The following ADAM2 variants were observed in gnomAD, a reference collection of about 807,000 sequenced individuals.
ADAM2 encodes disintegrin and metalloproteinase domain-containing protein 2.
ADAM2 carries 101 observed loss-of-function variants against 99.3 expected under a neutral mutation model. The observed-to-expected ratio is 1.02, with a 90% CI of 0.87 to 1.20. The LOEUF (loss-of-function observed/expected upper bound fraction) is 1.20. Among genes scored for constraint, ADAM2 ranks in the 50% most tolerant of loss-of-function variants. The pLI is 0.00. For synonymous variants in ADAM2, 323 were observed against 287.6 expected (o/e 1.12, Z -1.25); for missense variants, 948 against 878.7 (o/e 1.08, Z -1.00).
At chr8:39,746,107 C>T (rs1823436328) in intron 19 of ADAM2, among the ~76,000 whole-genome samples, 1 of 152,050 alleles carries the variant, frequency 6.6e-6, no homozygotes, top group Admixed American at 6.6e-5. Context: ...CTCACTGCAG[C>T]CTCTGCCTCC....
At chr8:39,759,671 A>G (rs1802277341) in intron 15 of ADAM2, among the ~76,000 whole-genome samples, 1 of 152,208 alleles carries the variant, frequency 6.6e-6, no homozygotes, top group Non-Finnish European at 1.5e-5. Context: ...AAGAGTTGGA[A>G]CAACAGAAGG....
intron 7 of ADAM2, among the ~76,000 whole-genome samples, chr8:39,800,923 T>C (rs1209091316): frequency 6.6e-6 from 1 of 152,210 alleles, no homozygotes; most frequent in Admixed American, 6.5e-5. Flanking sequence ...TAGCAATTCC[T>C]CTGACCTTTT....
chr8:39,744,709 G>T, intron 20 of ADAM2, 121 bp downstream of exon 20: 1 of 575,360 alleles, frequency 1.7e-6, no homozygotes, highest in Non-Finnish European at 3.0e-6. Flanking sequence ...CTAGATGACG[G>T]GTTGATAGGT....
At chr8:39,764,882 G>C (rs1366144512) in intron 14 of ADAM2, among the ~76,000 whole-genome samples, 1 of 151,978 alleles carries the variant, frequency 6.6e-6, no homozygotes, top group South Asian at 2.1e-4. Context: ...GGGTGTGGTG[G>C]TGTGTGCATC....
intron 18 of ADAM2, among the ~76,000 whole-genome samples, chr8:39,747,554 A>G (rs1257271468): frequency 6.6e-6 from 1 of 152,184 alleles, no homozygotes; most frequent in Non-Finnish European, 1.5e-5. Flanking sequence ...TTTACAGTCA[A>G]AGGCCTTGCT....
intron 6 of ADAM2, among the ~76,000 whole-genome samples, chr8:39,816,438 A>G (rs1013668999): frequency 1.3e-5 from 2 of 152,234 alleles, no homozygotes; most frequent in Non-Finnish European, 2.9e-5. Flanking sequence ...TCTGCGTATG[A>G]CCTAGCAGTT....
At chr8:39,817,991 T>G (rs960603638) in intron 6 of ADAM2, 19 of 152,006 alleles carry the variant, frequency 1.2e-4, no homozygotes, top group Admixed American at 2.0e-4. Context: ...CAATCCCAGA[T>G]GGATTTTACA....
At chr8:39,775,495 A>G (rs1802951540) in intron 11 of ADAM2, among the ~76,000 whole-genome samples, 1 of 152,126 alleles carries the variant, frequency 6.6e-6, no homozygotes, top group African/African-American at 2.4e-5. Context: ...AAAACCCGAT[A>G]TATTGTTTAC....
chr8:39,755,876 A>T lies in ADAM2; in HGVS notation c.1649T>A (p.Val550Glu), dbSNP rs1802129547. 1 of 1,568,498 alleles carries T rather than the reference A, an allele frequency of 6.4e-7. No individual in the cohort carries two copies. The highest frequency in any genetic ancestry group is 8.8e-7 in the Non-Finnish European group (1 of 1,142,784). ...LQCGKLICKYVGKFLLQIPRA... is the reference protein window; with the variant it reads ...LQCGKLICKYEGKFLLQIPRA... Reference sequence around the variant, plus strand: ...TGGAATTTGTAATAAAAATTTACCTACATATTTACATATTAATTTTCCGCA... The same window carrying T: ...TGGAATTTGTAATAAAAATTTACCTTCATATTTACATATTAATTTTCCGCA... Residue 550 changes from valine to glutamate, a missense_variant, in exon 16 of 21, where the codon GTA (valine) becomes GAA (glutamate). Val to Glu is a moderately radical substitution (Grantham distance 121). Transcript: ENST00000265708.
intron 6 of ADAM2, among the ~76,000 whole-genome samples, chr8:39,818,407 C>A (rs947689898): frequency 1.3e-5 from 2 of 151,920 alleles, no homozygotes; most frequent in Admixed American, 6.6e-5. Flanking sequence ...CATTAACAAA[C>A]TAACACTGGA....
chr8:39,825,177 C>T (rs189225642), intron 3 of ADAM2, among the ~76,000 whole-genome samples: 4 of 152,274 alleles, frequency 2.6e-5, no homozygotes, highest in African/African-American at 9.6e-5. Flanking sequence ...GAAAGTTCTT[C>T]AACATAGTTC....
At chr8:39,821,282 C>T (rs895955141) in intron 5 of ADAM2, 112 bp from the exon 6 acceptor site, 1 of 780,956 alleles carries the variant, frequency 1.3e-6, no homozygotes, top group African/African-American at 1.8e-5. Context: ...TAGCCTGAAT[C>T]TAAGGTGATA....
Position 39,749,364 on chromosome 8 carries a change from C to T in ADAM2, c.1962G>A (p.Gly654=). The T allele has an allele frequency of 1.2e-6, 2 of 1,613,152 alleles. No homozygotes were observed. The highest frequency in any genetic ancestry group is 8.5e-7 in the Non-Finnish European group (1 of 1,179,404). ...GTGGAAAATTGCCACTGTCAATACT[C>T]CCACCAGGCCATAGATCTGATTGAA... ...CSVQSDLWPG[G]SIDSGNFPPV... Residue 654 remains glycine, a synonymous_variant, in exon 18 of 21, where the codon GGG becomes GGA. Transcript: ENST00000265708.
chr8:39,783,757 C>T (rs946321717), intron 10 of ADAM2, among the ~76,000 whole-genome samples: 7 of 152,020 alleles, frequency 4.6e-5, no homozygotes, highest in Non-Finnish European at 8.8e-5. Flanking sequence ...CGAGACCATC[C>T]TGGCTAACAT....
At chr8:39,753,300 A>T (rs892593616) in intron 16 of ADAM2, among the ~76,000 whole-genome samples, 5 of 152,152 alleles carry the variant, frequency 3.3e-5, no homozygotes, top group Non-Finnish European at 7.4e-5. Flanking sequence ...TGCCCTAGAA[A>T]TCTGTGGAAC....
intron 6 of ADAM2, 66 bp from the exon 7 acceptor site, chr8:39,809,532 C>T: frequency 2.7e-6 from 2 of 734,678 alleles, no homozygotes; most frequent in Non-Finnish European, 4.8e-6. Flanking sequence ...GTGCATGTCA[C>T]TACTATTAAT....
At chr8:39,836,640 AAGAG>A (rs1805837228) in intron 2 of ADAM2, among the ~76,000 whole-genome samples, 1 of 152,218 alleles carries the variant, frequency 6.6e-6, no homozygotes, top group Admixed American at 6.5e-5. Context: ...AAATTTTAAA[AAGAG>A]AGTAATAATT....
At chr8:39,784,088 G>A (rs533737630) in intron 10 of ADAM2, among the ~76,000 whole-genome samples, 14 of 152,262 alleles carry the variant, frequency 9.2e-5, no homozygotes, top group African/African-American at 3.4e-4. Context: ...ACTCTAAATT[G>A]CAATCTACAG....
chr8:39,746,380 T>C, intron 19 of ADAM2, 92 bp downstream of exon 19: 1 of 854,998 alleles, frequency 1.2e-6, no homozygotes, highest in East Asian at 2.8e-5. Context: ...AATAATTGAA[T>C]TTGAATTATT....
Sources: allele counts gnomAD v4.1 joint callset (sites outside exome capture counted in the v4.1 genomes callset), GRCh38; gene constraint gnomAD v4.1.1; transcripts MANE v1.5; gene names NCBI Gene and HGNC (gene_info 2026-07-23, HGNC 2026-07-21).